Variants in OR9Q1 observed in about 807,000 individuals in gnomAD.
OR9Q1 encodes olfactory receptor 9Q1.
For synonymous variants in OR9Q1, 153 were observed against 148.6 expected, an observed-to-expected ratio of 1.03 and a Z score of -0.22; for missense variants, 374 against 378.8, an observed-to-expected ratio of 0.99 and a Z score of 0.11.
At chr11:58,111,388 T>A (rs1853897560) in intron 2 of OR9Q1, among the ~76,000 whole-genome samples, 1 of 152,188 alleles carries the variant, frequency 6.6e-6, no homozygotes, top group Non-Finnish European at 1.5e-5. Context: ...TCCTTTCTAA[T>A]CCTCTGTCAA....
At chr11:58,102,106 G>C (rs551004823) in intron 2 of OR9Q1, among the ~76,000 whole-genome samples, 1 of 152,144 alleles carries the variant, frequency 6.6e-6, no homozygotes, top group East Asian at 1.9e-4. Flanking sequence ...ATAGACTATA[G>C]TTAGGTCTTT....
At chr11:58,032,012 G>A in intron 1 of OR9Q1, 1 of 639,414 alleles carries the variant, frequency 1.6e-6, no homozygotes, top group Non-Finnish European at 2.7e-6. Context: ...ATTTATAACA[G>A]CCACAAAAAA....
intron 2 of OR9Q1, among the ~76,000 whole-genome samples, chr11:58,146,881 G>A (rs1377319062): frequency 2.6e-5 from 4 of 152,214 alleles, no homozygotes; most frequent in Non-Finnish European, 4.4e-5. Flanking sequence ...TGCAACTGGC[G>A]AATTCCATAG....
At chr11:58,100,972 A>G (rs905747040) in intron 2 of OR9Q1, among the ~76,000 whole-genome samples, 1 of 152,136 alleles carries the variant, frequency 6.6e-6, no homozygotes, top group South Asian at 2.1e-4. Context: ...AATTGGTATC[A>G]TGGAGGTAGT....
chr11:58,073,769 A>G (rs1853512690), intron 2 of OR9Q1: 1 of 152,172 alleles, frequency 6.6e-6, no homozygotes, highest in Admixed American at 6.5e-5. Flanking sequence ...CCCCTCATAT[A>G]TTAGGTATTT....
In OR9Q1 at chr11:58,081,812, A is replaced by G. The variant is rs1156849593; in HGVS notation, c.-15+25865A>G. Among the ~76,000 whole-genome samples the G allele has an allele frequency of 7.2e-5, 5 of 69,096 alleles. No individual in the cohort carries two copies. In the South Asian group the frequency reaches 2.3e-3, roughly 31 times the overall value. 45.3% of individuals were successfully genotyped at this position (69,096 alleles called of 152,430 possible). On this transcript the variant is annotated intron_variant, in intron 2 of 2. Transcript: ENST00000335397. ...TAGTTTCTTTTTTTTTTTTTTTTTT[A>G]CTTTTGTTGACTTTATTGATCTAAA... is the stretch of plus-strand genomic sequence containing the variant.
intron 2 of OR9Q1, among the ~76,000 whole-genome samples, chr11:58,152,289 C>G: frequency 6.6e-6 from 1 of 152,166 alleles, no homozygotes; most frequent in South Asian, 2.1e-4. Flanking sequence ...TTATAATTCA[C>G]AGATAATATT....
chr11:58,175,063 G>A (rs942488881), intron 2 of OR9Q1, among the ~76,000 whole-genome samples: 5 of 134,060 alleles, frequency 3.7e-5, no homozygotes, highest in East Asian at 2.3e-4. Flanking sequence ...CTGAAATCAC[G>A]CGACTGCACT....
chr11:58,034,756 T>TTCCTTCCTTCCTTCCTTCCC, intron 1 of OR9Q1, among the ~76,000 whole-genome samples: 1 of 139,166 alleles, frequency 7.2e-6, no homozygotes. Flanking sequence ...CCTTCCTTCC[T>TTCCTTCCTTCCTTCCTTCCC]TCCTTCCTTC....
intron 2 of OR9Q1, among the ~76,000 whole-genome samples, chr11:58,082,562 C>A (rs1459877500): frequency 3.6e-5 from 4 of 111,570 alleles, no homozygotes; most frequent in African/African-American, 1.4e-4. Context: ...CACATGGACA[C>A]AGGAAGGGGA....
intron 1 of OR9Q1, chr11:58,041,116 C>G (rs1437472214): frequency 6.6e-6 from 1 of 152,446 alleles, no homozygotes. Flanking sequence ...TTCCAAGGAG[C>G]CTTTATCACA....
intron 2 of OR9Q1, among the ~76,000 whole-genome samples, chr11:58,112,451 ATGT>A (rs1291183264): frequency 6.6e-6 from 1 of 152,204 alleles, no homozygotes; most frequent in Non-Finnish European, 1.5e-5. Flanking sequence ...ATTAGGATTT[ATGT>A]TGTTATGATT....
chr11:58,087,832 T>C (rs1853648444), intron 2 of OR9Q1, among the ~76,000 whole-genome samples: 1 of 151,814 alleles, frequency 6.6e-6, no homozygotes, highest in Admixed American at 6.6e-5. Flanking sequence ...TTTCTGTTCC[T>C]GTGTTTGCTG....
chr11:58,068,956 G>C (rs1051762086), intron 2 of OR9Q1, among the ~76,000 whole-genome samples: 2 of 152,192 alleles, frequency 1.3e-5, no homozygotes, highest in African/African-American at 4.8e-5. Flanking sequence ...CCAGCCCCGA[G>C]AACATGTTCA....
At chr11:58,174,178 C>T (rs140124543) in intron 2 of OR9Q1, among the ~76,000 whole-genome samples, 9 of 152,244 alleles carry the variant, frequency 5.9e-5, no homozygotes, top group Admixed American at 2.6e-4. Flanking sequence ...TCTTGTGGGA[C>T]ATGAGTAGAC....
intron 2 of OR9Q1, among the ~76,000 whole-genome samples, chr11:58,083,466 A>T (rs1050325177): frequency 1.3e-5 from 2 of 152,032 alleles, no homozygotes; most frequent in Admixed American, 6.6e-5. Flanking sequence ...TCTTTCATTT[A>T]ATTAGGTCCC....
In OR9Q1 at chr11:58,180,359, TA is replaced by T. The variant is rs762184658; in HGVS notation, c.916del (p.Arg306GlufsTer36). ...VKEALRKILN[R>X]AKLS ...AGGAGGCCCTGAGAAAAATTCTCAA[TA>T]GAGCCAAGTTGTCCTAACCATCTCC... On this transcript the variant is annotated frameshift_variant, in exon 3 of 3. Transcript: ENST00000335397. LOFTEE classifies it high-confidence loss of function. The T allele has an allele frequency of 4.4e-6, 7 of 1,590,066 alleles. No homozygotes were observed. The South Asian group carries it at 8.0e-5, about 18-fold the overall frequency.
intron 1 of OR9Q1, among the ~76,000 whole-genome samples, chr11:58,025,663 A>C (rs1309343544): frequency 1.3e-5 from 2 of 152,200 alleles, no homozygotes; most frequent in African/African-American, 4.8e-5. Context: ...ATTCCATCAG[A>C]TATTCATTCC....
At chr11:58,159,962 C>G (rs563917413) in intron 2 of OR9Q1, among the ~76,000 whole-genome samples, 2 of 152,180 alleles carry the variant, frequency 1.3e-5, no homozygotes, top group African/African-American at 4.8e-5. Context: ...CTAGTTCAAC[C>G]AGTAAAATGT....
Sources: allele counts gnomAD v4.1 joint callset (sites outside exome capture counted in the v4.1 genomes callset), GRCh38; gene constraint gnomAD v4.1.1; transcripts MANE v1.5; gene names NCBI Gene and HGNC (gene_info 2026-07-23, HGNC 2026-07-21).